The following PDE4D variants were observed in gnomAD, a reference collection of about 807,000 sequenced individuals.
The protein encoded by PDE4D is 3',5'-cyclic-AMP phosphodiesterase 4D.
Under a neutral mutation model 87.4 loss-of-function variants are expected in PDE4D, and 24 were observed. The observed-to-expected ratio is 0.27, with a 90% CI of 0.20 to 0.39. PDE4D has a LOEUF of 0.39. PDE4D is among the 10% of genes least tolerant of loss of function. The pLI is 1.00. For missense variants in PDE4D, 714 were observed against 1,041.0 expected (o/e 0.69, Z 4.32); for synonymous variants, 384 against 383.2 (o/e 1.00, Z -0.02).
chr5:59,088,359 A>C (rs547076338), intron 5 of PDE4D, among the ~76,000 whole-genome samples: 12 of 152,294 alleles, frequency 7.9e-5, no homozygotes, highest in African/African-American at 2.9e-4. Flanking sequence ...ATGGGAGTGT[A>C]AATTAGTTCA....
chr5:60,047,257 T>G (rs1582361458), intron 2 of PDE4D, among the ~76,000 whole-genome samples: 1 of 152,172 alleles, frequency 6.6e-6, no homozygotes, highest in Non-Finnish European at 1.5e-5. Flanking sequence ...TTCTTCTCTC[T>G]TTTTTTCTTT....
At chr5:59,644,315 T>C (rs1742103716) in intron 1 of PDE4D, among the ~76,000 whole-genome samples, 1 of 152,222 alleles carries the variant, frequency 6.6e-6, no homozygotes, top group Admixed American at 6.5e-5. Context: ...AATGGATTAT[T>C]GATCTACAGT....
chr5:59,350,435 A>G (rs1330285361), intron 1 of PDE4D, among the ~76,000 whole-genome samples: 6 of 152,156 alleles, frequency 3.9e-5, no homozygotes, highest in Admixed American at 2.0e-4. Flanking sequence ...AAGCTCTTCA[A>G]TGTAAGACAA....
rs373429784 is a variant in PDE4D, at chr5:60,065,903, G to A, written c.43-77186C>T. On this transcript the variant is annotated intron_variant, in intron 2 of 16. Coordinates refer to the PDE4D transcript ENST00000502484. Reference sequence around the variant, plus strand: ...AGTGCAGCTATAAACATACGTGTGCGTGTGTCTTTATAGCAGCATGATTTA... The same window carrying A: ...AGTGCAGCTATAAACATACGTGTGCATGTGTCTTTATAGCAGCATGATTTA... Among the ~76,000 whole-genome samples the A allele has an allele frequency of 4.9e-4, 75 of 152,156 alleles. 1 individual carries two copies. The highest frequency in any genetic ancestry group is 7.7e-4 in the East Asian group (4 of 5,168).
At chr5:60,346,367 T>C (rs1435223641) in intron 1 of PDE4D, among the ~76,000 whole-genome samples, 2 of 152,110 alleles carry the variant, frequency 1.3e-5, no homozygotes, top group African/African-American at 4.8e-5. Context: ...CAGAAAGCAA[T>C]AGGCAGAAAG....
chr5:59,379,735 G>T (rs574373413), intron 1 of PDE4D, among the ~76,000 whole-genome samples: 164 of 151,998 alleles, frequency 1.1e-3, no homozygotes, highest in Non-Finnish European at 1.8e-3. Context: ...TTTTTACGGT[G>T]AATATCTTTG....
chr5:60,065,658 A>G (rs904433194), intron 2 of PDE4D, among the ~76,000 whole-genome samples: 1 of 151,988 alleles, frequency 6.6e-6, no homozygotes, highest in South Asian at 2.1e-4. Flanking sequence ...TCATTGTTCA[A>G]TTCCCACCTA....
chr5:60,464,813 A>AAGGCC (rs1747216888), intron 1 of PDE4D, among the ~76,000 whole-genome samples: 1 of 152,230 alleles, frequency 6.6e-6, no homozygotes, highest in South Asian at 2.1e-4. Flanking sequence ...ATAAAAAAGC[A>AAGGCC]AGGCCAGGCC....
chr5:59,015,842 C>G (rs978975479), intron 6 of PDE4D, among the ~76,000 whole-genome samples: 1 of 152,154 alleles, frequency 6.6e-6, no homozygotes, highest in African/African-American at 2.4e-5. Context: ...TACTGCAGCA[C>G]TATTCAGGAT....
chr5:59,766,021 A>C (rs948564553), intron 1 of PDE4D, among the ~76,000 whole-genome samples: 2 of 152,226 alleles, frequency 1.3e-5, no homozygotes, highest in African/African-American at 2.4e-5. Flanking sequence ...GGAAACTGTG[A>C]GGCAGAACAC....
At chr5:59,024,492 C>T (rs1015838472) in intron 6 of PDE4D, among the ~76,000 whole-genome samples, 11 of 152,070 alleles carry the variant, frequency 7.2e-5, no homozygotes, top group South Asian at 2.1e-4. Context: ...GCACCACGCC[C>T]GGCTGCTGAA....
intron 11 of PDE4D, among the ~76,000 whole-genome samples, chr5:58,982,939 T>G (rs951363289): frequency 6.6e-6 from 1 of 152,220 alleles, no homozygotes; most frequent in African/African-American, 2.4e-5. Flanking sequence ...AGAGAGATCA[T>G]TCACATATCT....
intron 5 of PDE4D, among the ~76,000 whole-genome samples, chr5:59,173,500 G>C (rs553503028): frequency 6.6e-6 from 1 of 152,274 alleles, no homozygotes; most frequent in South Asian, 2.1e-4. Flanking sequence ...CTTTTTCAAT[G>C]AGGATTTTTG....
chr5:59,671,931 AG>A (rs1282302042), intron 1 of PDE4D, among the ~76,000 whole-genome samples: 1 of 152,170 alleles, frequency 6.6e-6, no homozygotes. Flanking sequence ...TTTTTTCTAA[AG>A]GATTAAAATC....
chr5:59,705,452 T>C (rs1561509976), intron 1 of PDE4D, among the ~76,000 whole-genome samples: 1 of 152,162 alleles, frequency 6.6e-6, no homozygotes, highest in Non-Finnish European at 1.5e-5. Flanking sequence ...AGCCTCTTAT[T>C]CCCTACACTT....
intron 5 of PDE4D, among the ~76,000 whole-genome samples, chr5:59,076,618 G>A (rs1765717599): frequency 6.6e-6 from 1 of 151,996 alleles, no homozygotes; most frequent in Non-Finnish European, 1.5e-5. Flanking sequence ...CAATTTTCTT[G>A]GCTAAAAGCA....
At chr5:59,292,729 C>A (rs1021370866) in intron 1 of PDE4D, among the ~76,000 whole-genome samples, 2 of 152,042 alleles carry the variant, frequency 1.3e-5, no homozygotes. Flanking sequence ...TGTTTGTATT[C>A]AATTACTTCA....
rs17589633 is a variant in PDE4D, at chr5:59,237,035, A to G, written c.456-21067T>C. On this transcript the variant is annotated intron_variant, in intron 1 of 14. Coordinates refer to ENST00000340635, the MANE Select transcript of PDE4D (RefSeq NM_001104631.2). ...AGCCCCTCCAAAGATACTTCTGGTC[A>G]TACTGTTCTCACTCTCTGGAGTATG... 0.038 allele frequency among the ~76,000 whole-genome samples: 5,841 copies of G among 152,204 alleles called. 864 individuals carry two copies. The East Asian group carries it at 0.52, about 14-fold the overall frequency.
intron 3 of PDE4D, among the ~76,000 whole-genome samples, chr5:59,917,086 G>T (rs1028485839): frequency 6.6e-6 from 1 of 150,700 alleles, no homozygotes; most frequent in African/African-American, 2.4e-5. Flanking sequence ...TTACAGGTGT[G>T]AGCCACCATG....
Sources: allele counts gnomAD v4.1 joint callset (sites outside exome capture counted in the v4.1 genomes callset), GRCh38; gene constraint gnomAD v4.1.1; transcripts MANE v1.5; gene names NCBI Gene and HGNC (gene_info 2026-07-23, HGNC 2026-07-21).